SLC19A1: variants seen among roughly 807,000 people sequenced by gnomAD.
SLC19A1 encodes reduced folate transporter.
Under a neutral mutation model 35.3 loss-of-function variants are expected in SLC19A1, and 37 were observed. That is an observed-to-expected ratio of 1.05 (90% CI 0.81 to 1.38). The LOEUF is 1.38. SLC19A1 is among the 40% of genes most tolerant of loss of function. SLC19A1 has a pLI of 0.00. For missense variants in SLC19A1, 831 were observed against 826.9 expected (o/e 1.00, Z -0.06); for synonymous variants, 460 against 398.5 (o/e 1.15, Z -1.84).
At chr21:45,503,341 A>C (rs1176063575) in intron 3 of SLC19A1, among the ~76,000 whole-genome samples, 1 of 151,824 alleles carries the variant, frequency 6.6e-6, no homozygotes, top group Non-Finnish European at 1.5e-5. Flanking sequence ...GCATTTTTTC[A>C]TGTGTTTTTT....
chr21:45,509,233 C>T (rs1008769180), downstream of SLC19A1: 78 of 1,337,642 alleles, frequency 5.8e-5, no homozygotes, highest in Admixed American at 1.4e-4. Flanking sequence ...GAGTCGGGGG[C>T]GCAGCTCCCT....
intron 3 of SLC19A1, chr21:45,504,630 C>A (rs1002789694): frequency 1.5e-6 from 2 of 1,354,678 alleles, no homozygotes; most frequent in East Asian, 2.5e-5. Context: ...AGGTCCAGCC[C>A]GGCCTTCGAC....
Position 45,531,664 on chromosome 21 carries a change from G to A in SLC19A1, c.674C>T (p.Ser225Leu), listed in dbSNP as rs572974130. 19 of 1,612,360 alleles carry A rather than the reference G, an allele frequency of 1.2e-5. 1 individual carries two copies. The South Asian group carries it at 1.5e-4, about 13-fold the overall frequency. Residue 225 changes from serine to leucine, a missense_variant, in exon 3 of 6, where the codon TCG (serine) becomes TTG (leucine). Physicochemically the swap from Ser to Leu is moderately radical, Grantham distance 145 (BLOSUM62 -2). Coordinates refer to ENST00000311124, the MANE Select transcript of SLC19A1 (RefSeq NM_194255.4). ...DDRGRCETSA[S>L]ELERMNPGPG... The stretch of plus-strand genomic sequence containing the variant: ...GCCAGGATTCATGCGCTCCAGCTCC[G>A]AAGCCGAGGTTTCGCACCGCCCCCG...
intron 4 of SLC19A1, among the ~76,000 whole-genome samples, chr21:45,529,793 A>G (rs2077791788): frequency 6.7e-6 from 1 of 148,348 alleles, no homozygotes; most frequent in Non-Finnish European, 1.5e-5. Flanking sequence ...TGGTGTATCC[A>G]TCTGTGAGTG....
chr21:45,517,218 A>G lies in SLC19A1; in HGVS notation c.1294-1078T>C, dbSNP rs1379898464. Among the ~76,000 whole-genome samples the G allele has an allele frequency of 6.6e-6, 1 of 152,202 alleles. No homozygotes were observed. Among genetic ancestry groups the G allele is most frequent in the Non-Finnish European group, 1.5e-5 (1 of 68,026 alleles). On this transcript the variant is annotated intron_variant, in intron 5 of 5. Coordinates refer to ENST00000311124, the MANE Select transcript of SLC19A1 (RefSeq NM_194255.4). The surrounding 1 kb of genome is among the most constrained non-coding windows in gnomAD (Gnocchi z 4.4). ...AGGCTGGAAAAGACAACAGATGCAG[A>G]AAAAAGAGCCCATGGAAGCAGCTCT...
At chr21:45,505,280 T>C (rs2037126309) in intron 3 of SLC19A1, 5 of 1,606,298 alleles carry the variant, frequency 3.1e-6, no homozygotes, top group Non-Finnish European at 4.3e-6. Context: ...ACAGGCAGAG[T>C]AAGTCAGTGG....
Position 45,530,744 on chromosome 21 carries a change from C to A in SLC19A1, c.1151+26G>T. 6.5e-7 allele frequency: 1 copy of A among 1,546,268 alleles called. No individual in the cohort carries two copies. The highest frequency in any genetic ancestry group is 8.7e-7 in the Non-Finnish European group (1 of 1,144,738). Reference sequence around the variant, plus strand: ...CTTGATCCTGGCGCCTGCCCGCCCCCGGCTTCCCACCCTTCTGGAACTCAC... The same window carrying A: ...CTTGATCCTGGCGCCTGCCCGCCCCAGGCTTCCCACCCTTCTGGAACTCAC... On this transcript the variant is annotated intron_variant, in intron 4 of 5. Transcript: ENST00000311124. The surrounding 1 kb of genome is among the most constrained non-coding windows in gnomAD (Gnocchi z 5.3).
chr21:45,550,342 AC>A (rs2078453164), intron 1 of SLC19A1, among the ~76,000 whole-genome samples: 1 of 151,862 alleles, frequency 6.6e-6, no homozygotes, highest in African/African-American at 2.4e-5. Context: ...CCCCACAGAC[AC>A]CTCAGGCCCT....
At chr21:45,547,234 G>A (rs2078423994), upstream of SLC19A1, among the ~76,000 whole-genome samples, 1 of 152,160 alleles carries the variant, frequency 6.6e-6, no homozygotes, top group African/African-American at 2.4e-5. Context: ...TTAGTGAAGA[G>A]CTAAACAAAT....
rs745973206 is a variant in SLC19A1, at chr21:45,531,633, G to A, written c.705C>T (p.Gly235=). The A allele has an allele frequency of 3.7e-6, 6 of 1,612,052 alleles. No homozygotes were observed. The highest frequency in any genetic ancestry group is 4.5e-5 in the East Asian group (2 of 44,876). ...SELERMNPGP[G]GKLGHALRVA... ...CCCGCAGGGCGTGTCCCAGCTTCCC[G>A]CCTGGGCCAGGATTCATGCGCTCCA... The change falls in exon 3 of 6, where the codon GGC becomes GGT. Residue 235 remains glycine, a synonymous_variant. Coordinates refer to ENST00000311124, the MANE Select transcript of SLC19A1 (RefSeq NM_194255.4).
Position 45,504,441 on chromosome 21 carries a change from C to T in SLC19A1, c.498-5829G>A, listed in dbSNP as rs2037058211. The T allele has an allele frequency of 1.2e-6, 2 of 1,611,614 alleles. No homozygotes were observed. Among genetic ancestry groups the T allele is most frequent in the Non-Finnish European group, 1.7e-6 (2 of 1,179,326 alleles). ...GGGGAGAAGGGAGACCGAGGTGATG[C>T]AGGACAGAAAGGCGAAAGGGGGGAG... On this transcript the variant is annotated intron_variant, in intron 3 of 4. Coordinates refer to the SLC19A1 transcript ENST00000417954.
intron 5 of SLC19A1, among the ~76,000 whole-genome samples, chr21:45,521,040 G>A (rs1461763805): frequency 8.1e-5 from 12 of 148,530 alleles, no homozygotes; most frequent in Admixed American, 1.3e-4. Flanking sequence ...AAAAACAAAC[G>A]AAAAAAAGAT....
chr21:45,507,697 A>C (rs2037305446), downstream of SLC19A1: 2 of 1,101,700 alleles, frequency 1.8e-6, no homozygotes, highest in Admixed American at 3.9e-5. Flanking sequence ...GGAGTCCTGG[A>C]GCTGAACATG....
At chr21:45,522,881 G>GA (rs1334421603) in intron 5 of SLC19A1, among the ~76,000 whole-genome samples, 1 of 152,158 alleles carries the variant, frequency 6.6e-6, no homozygotes, top group Non-Finnish European at 1.5e-5. Context: ...CAGCATGAGG[G>GA]ATCCCTGTGG....
chr21:45,520,789 G>A (rs143087151), intron 5 of SLC19A1, among the ~76,000 whole-genome samples: 2,068 of 152,308 alleles, frequency 0.014, 50 homozygotes, highest in African/African-American at 0.046. Context: ...GGGAGGCTGA[G>A]GCGGGTGGAT....
chr21:45,525,535 G>A (rs990432202), intron 5 of SLC19A1, among the ~76,000 whole-genome samples: 1 of 152,238 alleles, frequency 6.6e-6, no homozygotes, highest in Non-Finnish European at 1.5e-5. Flanking sequence ...CACAGGCAGA[G>A]AGCGGAGACA....
downstream of SLC19A1, chr21:45,512,130 G>A (rs2037647101): frequency 2.6e-6 from 4 of 1,545,216 alleles, no homozygotes; most frequent in Non-Finnish European, 3.5e-6. Context: ...CCGGGGAGCG[G>A]CCTCTGCCCT....
chr21:45,511,649 C>T (rs2037614530), downstream of SLC19A1, among the ~76,000 whole-genome samples: 2 of 152,278 alleles, frequency 1.3e-5, no homozygotes, highest in South Asian at 4.2e-4. Context: ...AACGCTTCGT[C>T]CCAAATGTCG....
chr21:45,503,848 A>G, intron 3 of SLC19A1: 1 of 532,032 alleles, frequency 1.9e-6, no homozygotes, highest in Non-Finnish European at 3.4e-6. Flanking sequence ...CAAAAACATC[A>G]GAAAGTATCG....
Sources: gnomAD v4.1 joint callset for allele counts (sites outside exome capture counted in the v4.1 genomes callset) on GRCh38, gnomAD v4.1.1 for gene constraint, Gnocchi (gnomAD v3.1) non-coding constraint, MANE v1.5 for transcripts, NCBI Gene and HGNC (gene_info 2026-07-23, HGNC 2026-07-21) for gene names.